SULF1: variants seen among roughly 807,000 people sequenced by gnomAD.
The protein encoded by SULF1 is sulfatase 1, also known as extracellular sulfatase Sulf-1.
A neutral mutation model predicts 110.5 loss-of-function variants in SULF1; 46 were observed. The observed-to-expected ratio is 0.42, with a 90% CI of 0.33 to 0.53. SULF1 has a LOEUF of 0.53. Ranked by LOEUF, SULF1 falls within the 20% of genes least tolerant of loss-of-function variation. The pLI is 0.12. For missense variants in SULF1, 941 were observed against 1,094.2 expected, an observed-to-expected ratio of 0.86 and a Z score of 1.98; for synonymous variants, 371 against 387.1, an observed-to-expected ratio of 0.96 and a Z score of 0.49.
chr8:69,657,510 A>G (rs558220980), intron 22 of SULF1, among the ~76,000 whole-genome samples: 1 of 152,304 alleles, frequency 6.6e-6, no homozygotes, highest in African/African-American at 2.4e-5. Flanking sequence ...CCTCCAATCA[A>G]TCTTTGACTC....
chr8:69,628,938 G>A (rs80138221), intron 18 of SULF1, among the ~76,000 whole-genome samples: 23 of 152,202 alleles, frequency 1.5e-4, no homozygotes, highest in Admixed American at 4.6e-4. Context: ...TATTTCCATC[G>A]ATGTTTCCAT....
chr8:69,630,925 G>A (rs976447164), intron 19 of SULF1, among the ~76,000 whole-genome samples: 4 of 151,860 alleles, frequency 2.6e-5, no homozygotes, highest in African/African-American at 7.3e-5. Context: ...CCATTAACTC[G>A]TCATTTAGTA....
chr8:69,584,611 C>T (rs1806313886), intron 6 of SULF1: 1 of 152,160 alleles, frequency 6.6e-6, no homozygotes, highest in Non-Finnish European at 1.5e-5. Flanking sequence ...CTACCGAACA[C>T]CAGAGCTTAG....
chr8:69,547,745 C>T (rs1295499363), intron 3 of SULF1, among the ~76,000 whole-genome samples: 1 of 152,148 alleles, frequency 6.6e-6, no homozygotes, highest in African/African-American at 2.4e-5. Flanking sequence ...ATATGACTTT[C>T]CATTCAAAGG....
intron 19 of SULF1, among the ~76,000 whole-genome samples, chr8:69,629,991 GGGATGAACATCCCGTAAAT>G (rs1810390514): frequency 6.6e-6 from 1 of 152,148 alleles, no homozygotes; most frequent in South Asian, 2.1e-4. Context: ...AATAACGCAA[GGGATGAACATCCCGTAAAT>G]GGATGAACAA....
chr8:69,501,735 A>C (rs1392673402), intron 2 of SULF1, 139 bp from the exon 3 acceptor site: 1 of 152,224 alleles, frequency 6.6e-6, no homozygotes, highest in African/African-American at 2.4e-5. Flanking sequence ...GATTGTAAGA[A>C]AATCGGTCTG....
At chr8:69,632,163 G>T (rs1276639470) in intron 19 of SULF1, among the ~76,000 whole-genome samples, 1 of 152,184 alleles carries the variant, frequency 6.6e-6, no homozygotes, top group African/African-American at 2.4e-5. Flanking sequence ...AGTGAGGAAC[G>T]TGCCTGCCAT....
intron 3 of SULF1, among the ~76,000 whole-genome samples, chr8:69,522,372 G>A (rs1812369916): frequency 6.6e-6 from 1 of 152,158 alleles, no homozygotes; most frequent in Admixed American, 6.5e-5. Flanking sequence ...GCTGTCCCAA[G>A]CAACTGAAAG....
chr8:69,531,442 C>A (rs1414776950), intron 3 of SULF1, among the ~76,000 whole-genome samples: 1 of 152,144 alleles, frequency 6.6e-6, no homozygotes, highest in South Asian at 2.1e-4. Flanking sequence ...TTCAACCAAG[C>A]CACCACCCAC....
At chr8:69,540,329 A>C (rs139961569) in intron 3 of SULF1, among the ~76,000 whole-genome samples, 21 of 152,366 alleles carry the variant, frequency 1.4e-4, no homozygotes, top group African/African-American at 3.6e-4. Flanking sequence ...ATACTAGAGT[A>C]TCTAATATTT....
intron 8 of SULF1, among the ~76,000 whole-genome samples, chr8:69,595,303 G>A (rs1229521639): frequency 6.6e-6 from 1 of 152,152 alleles, no homozygotes; most frequent in Non-Finnish European, 1.5e-5. Flanking sequence ...GACTTACTCA[G>A]TTCACATCAC....
rs371513728 is a variant in SULF1 at position 69,626,561 on chromosome 8, T to C, written c.1851-649T>C. ...TGGTGCTCGTCGGGGAGGCTCGGGCTGCACAGGAGCCCATGGAGTGGGTGG... is the reference window on the plus strand; with the variant it reads ...TGGTGCTCGTCGGGGAGGCTCGGGCCGCACAGGAGCCCATGGAGTGGGTGG... On this transcript the variant is annotated intron_variant, in intron 15 of 22. Transcript: ENST00000402687. Among the ~76,000 whole-genome samples, 368 of 152,334 alleles carry C rather than the reference T, an allele frequency of 2.4e-3. 1 individual carries two copies. Among genetic ancestry groups the C allele is most frequent in the East Asian group, 7.9e-3 (41 of 5,168 alleles).
chr8:69,513,163 A>T (rs929920254), intron 3 of SULF1, among the ~76,000 whole-genome samples: 4 of 152,246 alleles, frequency 2.6e-5, no homozygotes, highest in African/African-American at 9.6e-5. Context: ...ACAAAGTTGC[A>T]ACTTAAATTT....
intron 3 of SULF1, among the ~76,000 whole-genome samples, chr8:69,502,669 C>CTTTTCTTTTT (rs1810887561): frequency 7.0e-6 from 1 of 142,630 alleles, no homozygotes; most frequent in Non-Finnish European, 1.5e-5. Context: ...TTTTTTTTTT[C>CTTTTCTTTTT]TTTTCTTTTT....
At chr8:69,592,724 C>A (rs986824064) in intron 8 of SULF1, among the ~76,000 whole-genome samples, 3 of 152,186 alleles carry the variant, frequency 2.0e-5, no homozygotes, top group African/African-American at 7.2e-5. Context: ...TCTTATTGAA[C>A]CTTTTTATTA....
At chr8:69,643,201 C>T (rs949060026) in intron 22 of SULF1, among the ~76,000 whole-genome samples, 1 of 152,226 alleles carries the variant, frequency 6.6e-6, no homozygotes, top group African/African-American at 2.4e-5. Context: ...TGGGAATTCA[C>T]TAAACACCCA....
chr8:69,563,797 C>A, intron 4 of SULF1, 119 bp from the exon 5 acceptor site: 1 of 602,152 alleles, frequency 1.7e-6, no homozygotes. Flanking sequence ...CATGTGCAAC[C>A]CTGTCTCTGC....
chr8:69,638,917 C>G lies in SULF1; in HGVS notation c.2551+59C>G, dbSNP rs1462970739. 3 of 1,515,414 alleles carry G rather than the reference C, an allele frequency of 2.0e-6. No individual in the cohort carries two copies. The African/African-American group carries it at 4.2e-5, about 21-fold the overall frequency. 93.9% of individuals were successfully genotyped at this position (1,515,414 alleles called of 1,614,324 possible). ...CTGGAAAATTCTTTGTGTTACTGAG[C>G]TTTCTGCCTTGGAAACATTTAATTG... On this transcript the variant is annotated intron_variant, in intron 21 of 22. Coordinates refer to ENST00000402687, the MANE Select transcript of SULF1 (RefSeq NM_001128205.2).
intron 1 of SULF1, among the ~76,000 whole-genome samples, chr8:69,481,927 C>G (rs759176252): frequency 3.9e-5 from 6 of 152,166 alleles, no homozygotes; most frequent in Admixed American, 1.3e-4. Context: ...GCCATTTTCA[C>G]TACTCAAAGA....
Sources: gnomAD v4.1 joint callset for allele counts (sites outside exome capture counted in the v4.1 genomes callset) on GRCh38, gnomAD v4.1.1 for gene constraint, MANE v1.5 for transcripts, NCBI Gene and HGNC (gene_info 2026-07-23, HGNC 2026-07-21) for gene names.